The following MYO3A variants were observed in gnomAD, a reference collection of about 807,000 sequenced individuals.
The protein encoded by MYO3A is myosin-IIIa.
MYO3A carries 180 observed loss-of-function variants against 192.7 expected under a neutral mutation model. The ratio of observed to expected loss-of-function variants is 0.93; its 90% CI spans 0.83 to 1.06. MYO3A has a LOEUF of 1.06. MYO3A is among the 50% of genes least tolerant of loss of function. MYO3A has a pLI of 0.00. For synonymous variants in MYO3A, 628 were observed against 645.3 expected, an observed-to-expected ratio of 0.97 and a Z score of 0.41; for missense variants, 1,896 against 1,905.0, an observed-to-expected ratio of 1.00 and a Z score of 0.09.
intron 26 of MYO3A, among the ~76,000 whole-genome samples, chr10:26,159,164 G>A (rs995564118): frequency 8.6e-5 from 13 of 151,194 alleles, no homozygotes; most frequent in East Asian, 2.0e-4. Context: ...CTAATTTTTT[G>A]TACTTTTAGT....
At chr10:26,187,780 T>A (rs1046426286) in intron 31 of MYO3A, among the ~76,000 whole-genome samples, 9 of 151,956 alleles carry the variant, frequency 5.9e-5, no homozygotes, top group African/African-American at 2.2e-4. Context: ...CTGAGAATGA[T>A]GGTTTCCACC....
At chr10:26,188,484 C>G (rs1249595245) in intron 31 of MYO3A, among the ~76,000 whole-genome samples, 2 of 152,138 alleles carry the variant, frequency 1.3e-5, no homozygotes, top group Non-Finnish European at 1.5e-5. Flanking sequence ...TGTGCAGAAG[C>G]TCTTTAGTTT....
chr10:26,002,748 A>G (rs943736638), intron 6 of MYO3A, among the ~76,000 whole-genome samples: 1 of 152,166 alleles, frequency 6.6e-6, no homozygotes, highest in African/African-American at 2.4e-5. Flanking sequence ...AGTTAAGTTT[A>G]AAAGTAGAAG....
chr10:25,952,503 G>A (rs149182434), intron 3 of MYO3A, among the ~76,000 whole-genome samples: 3 of 152,052 alleles, frequency 2.0e-5, no homozygotes, highest in Non-Finnish European at 2.9e-5. Flanking sequence ...GCATAAGCAC[G>A]CAAAAATGCA....
At chr10:25,955,955 C>T (rs969239018) in intron 4 of MYO3A, among the ~76,000 whole-genome samples, 7 of 152,170 alleles carry the variant, frequency 4.6e-5, no homozygotes, top group Admixed American at 4.6e-4. Context: ...TTATTCCTCA[C>T]AGTTTTGGAG....
intron 4 of MYO3A, among the ~76,000 whole-genome samples, chr10:25,969,459 A>G (rs759086805): frequency 9.9e-5 from 15 of 152,134 alleles, no homozygotes; most frequent in Admixed American, 2.0e-4. Flanking sequence ...ATAATGGGGG[A>G]CTAGTGTATA....
At chr10:25,970,922 T>C (rs1359968131) in intron 4 of MYO3A, among the ~76,000 whole-genome samples, 7 of 151,970 alleles carry the variant, frequency 4.6e-5, no homozygotes, top group Non-Finnish European at 7.4e-5. Context: ...AACTTAATAA[T>C]TAAAACCCTT....
intron 17 of MYO3A, among the ~76,000 whole-genome samples, chr10:26,110,733 A>G (rs1313703800): frequency 6.6e-6 from 1 of 152,130 alleles, no homozygotes. Flanking sequence ...TCTGCGTGGT[A>G]GGCATCCTAT....
chr10:26,103,324 C>T (rs1056885772), intron 17 of MYO3A, among the ~76,000 whole-genome samples: 5 of 152,204 alleles, frequency 3.3e-5, no homozygotes, highest in African/African-American at 1.2e-4. Context: ...TTCCCCGACC[C>T]CTTGTGCTTC....
intron 17 of MYO3A, among the ~76,000 whole-genome samples, chr10:26,100,371 A>AT (rs1265320521): frequency 1.3e-5 from 2 of 152,062 alleles, no homozygotes; most frequent in Non-Finnish European, 2.9e-5. Context: ...GGATTCATTG[A>AT]TTTTTTGAAG....
intron 26 of MYO3A, among the ~76,000 whole-genome samples, chr10:26,160,929 G>A (rs1841458379): frequency 6.6e-6 from 1 of 152,160 alleles, no homozygotes; most frequent in African/African-American, 2.4e-5. Flanking sequence ...AGAGCATAAT[G>A]AGAATAAAAC....
chr10:26,046,227 G>A (rs1222992651), intron 10 of MYO3A, among the ~76,000 whole-genome samples: 4 of 152,146 alleles, frequency 2.6e-5, no homozygotes, highest in Admixed American at 2.0e-4. Flanking sequence ...GAACTGAGCC[G>A]TCAACCTGTG....
chr10:26,025,841 C>A (rs1842513926), intron 9 of MYO3A, among the ~76,000 whole-genome samples: 1 of 152,146 alleles, frequency 6.6e-6, no homozygotes. Context: ...TGTATGACCT[C>A]AAAAAATACA....
At chr10:26,120,932 G>A (rs1838826553) in intron 18 of MYO3A, 130 bp downstream of exon 18, 1 of 1,219,452 alleles carries the variant, frequency 8.2e-7, no homozygotes, top group East Asian at 2.5e-5. Flanking sequence ...CAGATTTAAT[G>A]TGTGTAAAAT....
intron 17 of MYO3A, among the ~76,000 whole-genome samples, chr10:26,120,088 C>T (rs1838764062): frequency 6.6e-6 from 1 of 151,874 alleles, no homozygotes; most frequent in African/African-American, 2.4e-5. Context: ...CACTTCAGCC[C>T]AGGAGGCAGA....
intron 19 of MYO3A, 109 bp downstream of exon 19, chr10:26,125,717 GTAAT>G: frequency 1.1e-6 from 1 of 938,446 alleles, no homozygotes; most frequent in Non-Finnish European, 1.6e-6. Context: ...TATAATTGAT[GTAAT>G]TAAATTATTA....
intron 24 of MYO3A, 131 bp downstream of exon 24, chr10:26,154,060 A>G (rs1019026293): frequency 5.6e-6 from 4 of 710,912 alleles, no homozygotes; most frequent in Non-Finnish European, 7.5e-6. Context: ...TTTCTGTTTG[A>G]ACAGATATTT....
chr10:26,021,177 C>A (rs1842280622), intron 7 of MYO3A, among the ~76,000 whole-genome samples: 1 of 152,172 alleles, frequency 6.6e-6, no homozygotes, highest in South Asian at 2.1e-4. Context: ...TACCACTGCC[C>A]AATCTTTAGC....
At chr10:25,983,520 G>T (rs1386001175) in intron 4 of MYO3A, among the ~76,000 whole-genome samples, 2 of 152,086 alleles carry the variant, frequency 1.3e-5, no homozygotes, top group Non-Finnish European at 2.9e-5. Flanking sequence ...GCCTCCCAAA[G>T]TGCTGGGATT....
Sources: allele counts gnomAD v4.1 joint callset (sites outside exome capture counted in the v4.1 genomes callset), GRCh38; gene constraint gnomAD v4.1.1; transcripts MANE v1.5; gene names NCBI Gene and HGNC (gene_info 2026-07-23, HGNC 2026-07-21).